AOPEP: variants seen among roughly 807,000 people sequenced by gnomAD.
AOPEP encodes aminopeptidase O (putative).
A neutral mutation model predicts 98.1 loss-of-function variants in AOPEP; 77 were observed. That is an observed-to-expected ratio of 0.78 (90% CI 0.65 to 0.95). The LOEUF is 0.95. AOPEP is among the 40% of genes least tolerant of loss of function. The pLI is 0.00. For missense variants in AOPEP, 1,024 were observed against 1,024.7 expected (o/e 1.00, Z 0.01); for synonymous variants, 346 against 365.3 (o/e 0.95, Z 0.60).
chr9:94,737,238 G>A (rs1228334695), intron 1 of AOPEP, among the ~76,000 whole-genome samples: 1 of 151,926 alleles, frequency 6.6e-6, no homozygotes, highest in Admixed American at 6.6e-5. Context: ...CTGAGTAGCC[G>A]AGAGTACAAG....
chr9:94,920,541 C>G (rs955565966), intron 5 of AOPEP, among the ~76,000 whole-genome samples: 1 of 152,150 alleles, frequency 6.6e-6, no homozygotes, highest in Non-Finnish European at 1.5e-5. Context: ...CAAGATGGGC[C>G]GTGCTGGTCA....
At position 94,836,082 on chromosome 9, in the gene AOPEP, T is replaced by TTG. The variant is rs10606112; in HGVS notation, c.1364+35102_1364+35103dup. 5.0e-3 allele frequency among the ~76,000 whole-genome samples: 757 copies of TTG among 150,638 alleles called. 19 individuals carry two copies. Among genetic ancestry groups the TTG allele is most frequent in the Admixed American group, 0.041 (613 of 15,116 alleles). ...AATTTGGTTGATTTTTGTTTCCTGCTTGTGTGTGTGTGTGTGTGTGTGTAT... is the reference window on the plus strand; with the variant it reads ...AATTTGGTTGATTTTTGTTTCCTGCTTGTGTGTGTGTGTGTGTGTGTGTGTAT... On this transcript the variant is annotated intron_variant, in intron 5 of 16. Transcript: ENST00000375315.
At chr9:94,969,814 C>G (rs1356789385) in intron 10 of AOPEP, among the ~76,000 whole-genome samples, 2 of 152,092 alleles carry the variant, frequency 1.3e-5, no homozygotes, top group African/African-American at 4.8e-5. Context: ...CATTTCTGAC[C>G]CACAGTTTTA....
At chr9:95,092,885 C>T in the AOPEP span, among the ~76,000 whole-genome samples, 3 of 152,218 alleles carry the variant, frequency 2.0e-5, no homozygotes, top group African/African-American at 7.2e-5. Flanking sequence ...TAAGACACCA[C>T]ACTCTTCACC....
intron 7 of AOPEP, chr9:94,934,688 T>A (rs985366397): frequency 6.6e-6 from 1 of 152,256 alleles, no homozygotes; most frequent in Non-Finnish European, 1.5e-5. Flanking sequence ...TTATTTTTAA[T>A]CTTTTGAGAC....
chr9:94,772,722 C>T (rs999164145), intron 2 of AOPEP, among the ~76,000 whole-genome samples: 19 of 152,056 alleles, frequency 1.2e-4, no homozygotes, highest in South Asian at 1.0e-3. Flanking sequence ...ATAACTTGGC[C>T]GATTAGTATT....
At chr9:94,982,379 C>G (rs748775004) in intron 11 of AOPEP, among the ~76,000 whole-genome samples, 1 of 152,130 alleles carries the variant, frequency 6.6e-6, no homozygotes, top group African/African-American at 2.4e-5. Flanking sequence ...AGTCATACCT[C>G]CAGAGATCAC....
At chr9:94,879,406 T>C (rs2047323862) in intron 5 of AOPEP, among the ~76,000 whole-genome samples, 1 of 152,254 alleles carries the variant, frequency 6.6e-6, no homozygotes, top group Admixed American at 6.5e-5. Flanking sequence ...GTCTCAGTTA[T>C]AATTTTGCAA....
chr9:94,783,761 T>A (rs1216450863), intron 3 of AOPEP, among the ~76,000 whole-genome samples: 1 of 152,184 alleles, frequency 6.6e-6, no homozygotes, highest in Non-Finnish European at 1.5e-5. Flanking sequence ...TAAGTGTACA[T>A]GTTTCTGAAT....
chr9:94,986,133 G>A (rs1317214772), intron 11 of AOPEP, among the ~76,000 whole-genome samples: 2 of 152,176 alleles, frequency 1.3e-5, no homozygotes, highest in African/African-American at 4.8e-5. Flanking sequence ...AGACCAAGGT[G>A]CCAACAGCGT....
intron 9 of AOPEP, among the ~76,000 whole-genome samples, chr9:94,961,441 C>T (rs2058834951): frequency 6.6e-6 from 1 of 152,184 alleles, no homozygotes; most frequent in Non-Finnish European, 1.5e-5. Context: ...TGTGTTATGT[C>T]ATCCTTGTCC....
chr9:95,112,550 A>C, the AOPEP span, among the ~76,000 whole-genome samples: 1 of 152,202 alleles, frequency 6.6e-6, no homozygotes, highest in Non-Finnish European at 1.5e-5. Context: ...GTCAGAGCTG[A>C]TGCTCTGGAG....
chr9:94,933,166 A>G, intron 7 of AOPEP: 1 of 985,610 alleles, frequency 1.0e-6, no homozygotes, highest in Non-Finnish European at 1.2e-6. Context: ...TCCCCTGCCT[A>G]CAAGGTCCCC....
chr9:94,776,522 G>A (rs528204104), intron 3 of AOPEP, among the ~76,000 whole-genome samples: 14 of 152,140 alleles, frequency 9.2e-5, no homozygotes, highest in Non-Finnish European at 1.8e-4. Flanking sequence ...GGCTGGGCTC[G>A]AACTCCTGAG....
At chr9:95,149,870 C>A in the AOPEP span, 1 of 1,549,884 alleles carries the variant, frequency 6.5e-7, no homozygotes, top group South Asian at 1.2e-5. Flanking sequence ...ACACCACAGC[C>A]TTCTAAGAAA....
At chr9:94,764,517 A>G (rs1043223477) in intron 2 of AOPEP, among the ~76,000 whole-genome samples, 1 of 152,082 alleles carries the variant, frequency 6.6e-6, no homozygotes, top group Non-Finnish European at 1.5e-5. Context: ...GCATGGTGGC[A>G]GGCACCTGTA....
intron 2 of AOPEP, among the ~76,000 whole-genome samples, chr9:94,772,698 G>A (rs904104310): frequency 3.3e-5 from 5 of 152,118 alleles, no homozygotes; most frequent in African/African-American, 1.2e-4. Context: ...CTGAGGGGAG[G>A]GGGCAAGGGT....
At chr9:95,008,294 C>T (rs547242019) in intron 13 of AOPEP, among the ~76,000 whole-genome samples, 1 of 152,294 alleles carries the variant, frequency 6.6e-6, no homozygotes, top group Admixed American at 6.5e-5. Flanking sequence ...TCTGTACTAA[C>T]TCTGCTGGGG....
At chr9:95,000,379 C>G (rs1002845180) in intron 11 of AOPEP, among the ~76,000 whole-genome samples, 1 of 152,032 alleles carries the variant, frequency 6.6e-6, no homozygotes, top group Non-Finnish European at 1.5e-5. Flanking sequence ...TTTCTAAAAT[C>G]ATCCAAAAAT....
Sources: allele counts gnomAD v4.1 joint callset (sites outside exome capture counted in the v4.1 genomes callset), GRCh38; gene constraint gnomAD v4.1.1; transcripts MANE v1.5; gene names NCBI Gene and HGNC (gene_info 2026-07-23, HGNC 2026-07-21).